The following KIF26B variants were observed in gnomAD, a reference collection of about 807,000 sequenced individuals.
KIF26B encodes kinesin-like protein KIF26B.
In KIF26B, 63 loss-of-function variants were observed where a neutral mutation model predicts 151.2. That is an observed-to-expected ratio of 0.42 (90% CI 0.34 to 0.51). KIF26B has a LOEUF of 0.51. Ranked by LOEUF, KIF26B falls within the 20% of genes least tolerant of loss-of-function variation. KIF26B has a pLI of 0.07. For missense variants in KIF26B, 2,813 were observed against 2,913.6 expected (o/e 0.97, Z 0.79); for synonymous variants, 1,357 against 1,262.1 (o/e 1.08, Z -1.59).
chr1:245,328,551 G>A (rs796991671), intron 2 of KIF26B, among the ~76,000 whole-genome samples: 10 of 152,306 alleles, frequency 6.6e-5, no homozygotes, highest in African/African-American at 1.9e-4. Context: ...GTGATGTGGT[G>A]TGGTTTGCGG....
At chr1:245,234,343 A>T (rs1670061448) in intron 2 of KIF26B, 1 of 152,272 alleles carries the variant, frequency 6.6e-6, no homozygotes. Context: ...GCTGGGTGGT[A>T]CCCACACTTG....
intron 4 of KIF26B, among the ~76,000 whole-genome samples, chr1:245,528,240 C>T (rs1572107535): frequency 6.6e-6 from 1 of 152,126 alleles, no homozygotes; most frequent in South Asian, 2.1e-4. Context: ...AGACCGAGAC[C>T]CAGGGCTCCG....
chr1:245,608,215 G>A (rs1342997990), intron 7 of KIF26B, among the ~76,000 whole-genome samples: 2 of 152,218 alleles, frequency 1.3e-5, no homozygotes, highest in African/African-American at 2.4e-5. Flanking sequence ...ACACTCCAGC[G>A]CTGAAGCGTC....
chr1:245,188,481 G>C (rs1425021151), intron 2 of KIF26B, among the ~76,000 whole-genome samples: 3 of 152,064 alleles, frequency 2.0e-5, no homozygotes, highest in Non-Finnish European at 4.4e-5. Flanking sequence ...GCTCAATTCA[G>C]AGAGACATTT....
At position 245,190,887 on chromosome 1, in the gene KIF26B, C is replaced by T. The variant is rs1195177936; in HGVS notation, c.465+34204C>T. Among the ~76,000 whole-genome samples, 6 of 150,136 alleles carry T rather than the reference C, an allele frequency of 4.0e-5. No homozygotes were observed. In the East Asian group the frequency reaches 1.2e-3, roughly 30 times the overall value. On this transcript the variant is annotated intron_variant, in intron 2 of 14. Coordinates refer to ENST00000407071, the MANE Select transcript of KIF26B (RefSeq NM_018012.4). ...CCAGCCTGACCAAGATGGTGAAACA[C>T]CATCTCTACTAAAAATACAAAAATT... is the stretch of plus-strand genomic sequence containing the variant.
Position 245,261,488 on chromosome 1 carries a change from TCTCTCTCTCTCTCTCCCTCCCTCC to T in KIF26B, c.465+104809_465+104832del, listed in dbSNP as rs1232695386. Reference sequence around the variant, plus strand: ...TTCTTTCTCTCTCTCTCTCTCTCTCTCTCTCTCTCTCTCTCCCTCCCTCCCTCCCTCCCTCTCTCTCCCTCTCTC... The same window carrying T: ...TTCTTTCTCTCTCTCTCTCTCTCTCTCTCCCTCCCTCTCTCTCCCTCTCTC... On this transcript the variant is annotated intron_variant, in intron 2 of 14. Coordinates refer to ENST00000407071, the MANE Select transcript of KIF26B (RefSeq NM_018012.4). Among the ~76,000 whole-genome samples, 3 of 124,892 alleles carry T rather than the reference TCTCTCTCTCTCTCTCCCTCCCTCC, an allele frequency of 2.4e-5. No individual in the cohort carries two copies. In the East Asian group the frequency reaches 6.5e-4, roughly 27 times the overall value. The allele number at this position is 124,892 out of a possible 152,430, so 81.9% of individuals were successfully genotyped here.
intron 2 of KIF26B, among the ~76,000 whole-genome samples, chr1:245,265,250 T>A (rs1670724736): frequency 6.7e-6 from 1 of 149,212 alleles, no homozygotes. Context: ...AGACTTATTA[T>A]GAAGCAATAA....
chr1:245,420,877 G>A (rs915772368), intron 4 of KIF26B, among the ~76,000 whole-genome samples: 1 of 152,222 alleles, frequency 6.6e-6, no homozygotes, highest in African/African-American at 2.4e-5. Context: ...TAGGACAGCG[G>A]CAAGGCAGAG....
At position 245,708,002 on chromosome 1, in the gene KIF26B, T is replaced by C. The variant is rs1379412813; in HGVS notation, c.*5396T>C. 6.6e-6 allele frequency: 1 copy of C among 152,226 alleles called. No homozygotes were observed. Among genetic ancestry groups the C allele is most frequent in the Non-Finnish European group, 1.5e-5 (1 of 68,036 alleles). The allele number at this position is 152,226 out of a possible 1,614,324, so 9.4% of individuals were successfully genotyped here. A position where few individuals can be genotyped will look rare whatever the true frequency, so the allele number is the denominator to read the frequency against. On this transcript the variant is annotated 3_prime_UTR_variant, in exon 15 of 15. Transcript: ENST00000407071. The stretch of plus-strand genomic sequence containing the variant: ...ATATATAGTACCTGTTTTTTTCCTC[T>C]GGAAAAACCAAAGTACTTTAGTGAG...
Position 245,688,658 on chromosome 1 carries a change from G to A in KIF26B, c.5675G>A (p.Ser1892Asn), listed in dbSNP as rs769912820. ...GGGAAGACGGCCCTGTTCTACCACA[G>A]CGGCGGCAGCAGCGGCTACGAGAGC... ...AMGKTALFYH[S>N]GGSSGYESVM... Residue 1892 changes from serine to asparagine, a missense_variant, in exon 12 of 15, where the codon AGC becomes AAC. Physicochemically the swap from Ser to Asn is conservative, Grantham distance 46. This residue lies in a region of KIF26B where 2,060 missense variants were observed against 2,088.6 expected (regional missense o/e 0.99). Transcript: ENST00000407071. The A allele has an allele frequency of 6.2e-7, 1 of 1,603,912 alleles. No homozygotes were observed. Among genetic ancestry groups the A allele is most frequent in the South Asian group, 1.1e-5 (1 of 89,494 alleles).
At chr1:245,480,120 A>C (rs1337567789) in intron 4 of KIF26B, among the ~76,000 whole-genome samples, 2 of 143,694 alleles carry the variant, frequency 1.4e-5, no homozygotes, top group African/African-American at 5.2e-5. Flanking sequence ...AACAAACAAC[A>C]AACAAAAAAC....
intron 2 of KIF26B, among the ~76,000 whole-genome samples, chr1:245,260,668 T>G (rs1312366108): frequency 6.6e-6 from 1 of 152,196 alleles, no homozygotes; most frequent in Admixed American, 6.6e-5. Context: ...GAAGTACTTC[T>G]CACACATCTG....
At chr1:245,413,747 A>T (rs1674348701) in intron 3 of KIF26B, among the ~76,000 whole-genome samples, 1 of 152,218 alleles carries the variant, frequency 6.6e-6, no homozygotes, top group African/African-American at 2.4e-5. Flanking sequence ...ACATCTTCTA[A>T]TAGTGGACTG....
intron 1 of KIF26B, 35 bp from the exon 2 acceptor site, chr1:245,156,232 CTGCAGCCCGCCGCCT>C (rs1160486677): frequency 1.7e-5 from 26 of 1,527,970 alleles, no homozygotes; most frequent in Non-Finnish European, 2.3e-5. Flanking sequence ...CTCCTGGGCG[CTGCAGCCCGCCGCCT>C]TGCAGCCCCT....
rs2043413070 is a variant in KIF26B at position 245,602,890 on chromosome 1, T to C, written c.1557+107T>C. ...GAGGGTGTCTTCTGGAGCATTCTGA[T>C]GGACCAGTTCCTTCAGGAGTCAATC... On this transcript the variant is annotated intron_variant, in intron 6 of 14. Coordinates refer to ENST00000407071, the MANE Select transcript of KIF26B (RefSeq NM_018012.4). The surrounding 1 kb of genome is among the most constrained non-coding windows in gnomAD (Gnocchi z 4.5). 1.0e-6 allele frequency: 1 copy of C among 981,086 alleles called. No individual in the cohort carries two copies. The highest frequency in any genetic ancestry group is 1.6e-6 in the Non-Finnish European group (1 of 621,634). 60.8% of individuals were successfully genotyped at this position (981,086 alleles called of 1,614,324 possible). A position where few individuals can be genotyped will look rare whatever the true frequency, so the allele number is the denominator to read the frequency against.
At chr1:245,608,222 C>T (rs542531609) in intron 7 of KIF26B, among the ~76,000 whole-genome samples, 6 of 152,302 alleles carry the variant, frequency 3.9e-5, no homozygotes, top group South Asian at 4.1e-4. Context: ...AGCGCTGAAG[C>T]GTCTGGGAAA....
In KIF26B at chr1:245,264,477, AC is replaced by A. The variant is rs1301740696; in HGVS notation, c.466-102356del. On this transcript the variant is annotated intron_variant, in intron 2 of 14. Transcript: ENST00000407071. ...TCGGGCAAACAGAGAACTGGAGTTCACTGTGATCTCTTCACTGTTAACACTA... is the reference window on the plus strand; with the variant it reads ...TCGGGCAAACAGAGAACTGGAGTTCATGTGATCTCTTCACTGTTAACACTA... Among the ~76,000 whole-genome samples, 3 of 152,194 alleles carry A rather than the reference AC, an allele frequency of 2.0e-5. No individual in the cohort carries two copies. The East Asian group carries it at 5.8e-4, about 29-fold the overall frequency.
chr1:245,202,484 C>T (rs1006408764), intron 2 of KIF26B, among the ~76,000 whole-genome samples: 5 of 152,140 alleles, frequency 3.3e-5, no homozygotes, highest in African/African-American at 1.2e-4. Context: ...AGTGGCCGGG[C>T]GCAGTGGCTC....
chr1:245,307,803 C>T (rs182069027), intron 2 of KIF26B, among the ~76,000 whole-genome samples: 10 of 150,548 alleles, frequency 6.6e-5, no homozygotes, highest in East Asian at 3.9e-4. Flanking sequence ...TGCGGTGGCG[C>T]GATCTGGGCT....
Sources: gnomAD v4.1 joint callset for allele counts (sites outside exome capture counted in the v4.1 genomes callset) on GRCh38, gnomAD v4.1.1 for gene constraint, gnomAD v4.1.1 regional missense constraint, Gnocchi (gnomAD v3.1) non-coding constraint, MANE v1.5 for transcripts, NCBI Gene and HGNC (gene_info 2026-07-23, HGNC 2026-07-21) for gene names.